ELL2: variants seen among roughly 807,000 people sequenced by gnomAD.
The protein encoded by ELL2 is RNA polymerase II elongation factor ELL2.
In ELL2, 21 loss-of-function variants were observed where a neutral mutation model predicts 72.8. The observed-to-expected ratio is 0.29, with a 90% CI of 0.20 to 0.42. The LOEUF is 0.42. ELL2 is among the 10% of genes least tolerant of loss of function. The probability of loss-of-function intolerance (pLI) is 1.00; values close to 1 mark genes in which losing one functional copy is unlikely to be tolerated. For synonymous variants in ELL2, 266 were observed against 283.2 expected (o/e 0.94, Z 0.61); for missense variants, 568 against 772.8 (o/e 0.73, Z 3.14).
intron 1 of ELL2, among the ~76,000 whole-genome samples, chr5:95,950,282 G>T (rs1010523205): frequency 2.0e-5 from 3 of 152,072 alleles, no homozygotes; most frequent in Non-Finnish European, 4.4e-5. Flanking sequence ...TGATTCTTTT[G>T]TTCAAGAGTC....
chr5:95,900,925 T>A, intron 6 of ELL2, 31 bp downstream of exon 6: 1 of 1,576,726 alleles, frequency 6.3e-7, no homozygotes, highest in African/African-American at 1.4e-5. Context: ...TAAAGAAACA[T>A]TTTTTTAAAA....
At chr5:95,897,604 CA>C (rs2112274721) in intron 8 of ELL2, among the ~76,000 whole-genome samples, 1 of 152,236 alleles carries the variant, frequency 6.6e-6, no homozygotes, top group East Asian at 1.9e-4. Context: ...GCTAATTTTA[CA>C]AATAACAATT....
chr5:95,945,179 G>C (rs1751110027), intron 1 of ELL2, among the ~76,000 whole-genome samples: 1 of 152,216 alleles, frequency 6.6e-6, no homozygotes, highest in Middle Eastern at 3.4e-3. Context: ...CTCAATGACT[G>C]GCAAATATGA....
intron 1 of ELL2, among the ~76,000 whole-genome samples, chr5:95,960,522 A>G (rs1463070857): frequency 6.6e-6 from 1 of 151,118 alleles, no homozygotes; most frequent in Non-Finnish European, 1.5e-5. Context: ...GTGTGTGTGT[A>G]TATGTGTGTG....
chr5:95,901,017 G>C lies in ELL2; in HGVS notation c.805C>G (p.Gln269Glu), dbSNP rs767677233. The stretch of plus-strand genomic sequence containing the variant: ...TCACTGTATCCAGGCCAGTCTCTTT[G>C]AAGCTCTTTAAAAACATAATCCTTT... ...TLKDYVFKEL[Q>E]RDWPGYSEID... Residue 269 changes from glutamine to glutamate, a missense_variant, in exon 6 of 12, where the codon CAA becomes GAA. Transcript: ENST00000237853. 1 of 1,613,732 alleles carries C rather than the reference G, an allele frequency of 6.2e-7. No homozygotes were observed. Among genetic ancestry groups the C allele is most frequent in the East Asian group, 2.2e-5 (1 of 44,882 alleles).
chr5:95,920,766 G>T (rs1294674589), intron 2 of ELL2, among the ~76,000 whole-genome samples: 1 of 152,116 alleles, frequency 6.6e-6, no homozygotes, highest in East Asian at 1.9e-4. Flanking sequence ...TTAAAAAAAA[G>T]GATTAGTTGG....
chr5:95,959,625 A>C (rs2112365929), intron 1 of ELL2, among the ~76,000 whole-genome samples: 1 of 152,212 alleles, frequency 6.6e-6, no homozygotes, highest in South Asian at 2.1e-4. Context: ...AAGAGTAGCT[A>C]TTGGCACATG....
chr5:95,906,899 C>G, intron 4 of ELL2, 117 bp from the exon 5 acceptor site: 1 of 1,071,452 alleles, frequency 9.3e-7, no homozygotes, highest in East Asian at 2.8e-5. Flanking sequence ...ATAATAAAGG[C>G]CACTTTATTT....
chr5:95,944,711 C>A (rs768188839), intron 1 of ELL2, among the ~76,000 whole-genome samples: 6 of 152,328 alleles, frequency 3.9e-5, no homozygotes, highest in Admixed American at 1.3e-4. Context: ...CATGTTCCAG[C>A]TTTCACAATA....
intron 3 of ELL2, among the ~76,000 whole-genome samples, chr5:95,916,890 C>A (rs9314162): frequency 0.27 from 41,015 of 151,900 alleles, 5,613 homozygotes; most frequent in East Asian, 0.4. Flanking sequence ...ATTTCAACAT[C>A]TCTTCCTATT....
At chr5:95,912,131 T>C (rs1749626925) in intron 4 of ELL2, among the ~76,000 whole-genome samples, 1 of 152,218 alleles carries the variant, frequency 6.6e-6, no homozygotes, top group African/African-American at 2.4e-5. Context: ...AGGAAGTGTA[T>C]GGACTGTGGG....
chr5:95,960,905 C>A (rs1188587225), intron 1 of ELL2, among the ~76,000 whole-genome samples: 1 of 151,814 alleles, frequency 6.6e-6, no homozygotes, highest in African/African-American at 2.4e-5. Context: ...CCAGTGTCCC[C>A]GCCGTTCCAG....
rs1405335758 is a variant in ELL2, at chr5:95,888,586, A to G, written c.*285T>C. The G allele has an allele frequency of 6.0e-5, 13 of 217,212 alleles. No individual in the cohort carries two copies. The highest frequency in any genetic ancestry group is 2.8e-4 in the African/African-American group (12 of 43,128). The allele number at this position is 217,212 out of a possible 1,614,324, so 13.5% of individuals were successfully genotyped here. On this transcript the variant is annotated 3_prime_UTR_variant, in exon 12 of 12. Transcript: ENST00000237853. ...TAATAACAAACACAAGTTTTTGAGG[A>G]AAAAAAACTGATTTGAAATATAGAC... is the stretch of plus-strand genomic sequence containing the variant.
intron 2 of ELL2, among the ~76,000 whole-genome samples, chr5:95,936,143 T>C (rs1352043451): frequency 6.6e-6 from 1 of 152,228 alleles, no homozygotes; most frequent in Admixed American, 6.5e-5. Context: ...TGTGTGAATG[T>C]CTACATCTAT....
chr5:95,912,392 G>T (rs966398175), intron 4 of ELL2, among the ~76,000 whole-genome samples: 3 of 152,056 alleles, frequency 2.0e-5, no homozygotes, highest in African/African-American at 7.2e-5. Context: ...ACAACAATTT[G>T]CCTCACTGTT....
chr5:95,929,284 A>T (rs1750508621), intron 2 of ELL2, among the ~76,000 whole-genome samples: 1 of 148,382 alleles, frequency 6.7e-6, no homozygotes, highest in Non-Finnish European at 1.5e-5. Context: ...TTTGAGACAG[A>T]GTCTCGCTCT....
intron 1 of ELL2, among the ~76,000 whole-genome samples, chr5:95,959,892 C>G (rs1035676781): frequency 6.6e-6 from 1 of 152,218 alleles, no homozygotes; most frequent in Non-Finnish European, 1.5e-5. Context: ...TGAGCCTCCA[C>G]TGCTGTTTAC....
Position 95,902,479 on chromosome 5 carries a change from G to A in ELL2, c.742-1399C>T, listed in dbSNP as rs539407769. On this transcript the variant is annotated intron_variant, in intron 5 of 11. Transcript: ENST00000237853. ...TAACTACACAAACATACAGGTTCAC[G>A]TGCCAAACCAAAAGTAATTAATTTT... 4.6e-5 allele frequency among the ~76,000 whole-genome samples: 7 copies of A among 152,258 alleles called. No individual in the cohort carries two copies. The South Asian group carries it at 8.3e-4, about 18-fold the overall frequency.
In ELL2 at chr5:95,903,755, A is replaced by G. The variant is rs571561661; in HGVS notation, c.742-2675T>C. On this transcript the variant is annotated intron_variant, in intron 5 of 11. Coordinates refer to ENST00000237853, the MANE Select transcript of ELL2 (RefSeq NM_012081.6). ...GACAACCACACCCTTACATATAACT[A>G]TCTACTGACATCTATCTCCACTTGG... 2.0e-5 allele frequency among the ~76,000 whole-genome samples: 3 copies of G among 152,164 alleles called. No individual in the cohort carries two copies. In the South Asian group the frequency reaches 6.2e-4, roughly 32 times the overall value.
Sources: gnomAD v4.1 joint callset for allele counts (sites outside exome capture counted in the v4.1 genomes callset) on GRCh38, gnomAD v4.1.1 for gene constraint, MANE v1.5 for transcripts, NCBI Gene and HGNC (gene_info 2026-07-23, HGNC 2026-07-21) for gene names.